The following RAI2 variants were observed in gnomAD, a reference collection of about 807,000 sequenced individuals.
RAI2 encodes the protein retinoic acid induced 2, also known as retinoic acid-induced protein 2.
RAI2 carries 5 observed loss-of-function variants against 15.3 expected under a neutral mutation model. That is an observed-to-expected ratio of 0.33 (90% CI 0.17 to 0.69). The LOEUF (loss-of-function observed/expected upper bound fraction) is 0.69, where lower values mean the gene tolerates loss of function less well. RAI2 is among the 30% of genes least tolerant of loss of function. The probability of loss-of-function intolerance (pLI) is 0.69; values close to 1 mark genes in which losing one functional copy is unlikely to be tolerated. For synonymous variants in RAI2, 191 were observed against 184.0 expected (o/e 1.04, Z -0.31); for missense variants, 424 against 424.7 (o/e 1.00, Z 0.01).
chrX:17,815,289 A>T (rs1015510060), intron 1 of RAI2, among the ~76,000 whole-genome samples: 1 of 106,586 alleles, frequency 9.4e-6, no homozygotes. Context: ...GAGTTCCAGA[A>T]TGCATGTGTT....
At chrX:17,840,958 T>C (rs1322560056) in intron 1 of RAI2, among the ~76,000 whole-genome samples, 1 of 112,045 alleles carries the variant, frequency 8.9e-6, no homozygotes, top group Non-Finnish European at 1.9e-5. Context: ...TAACCAGCAA[T>C]CACTACCGTA....
At chrX:17,820,214 C>A (rs2067149825) in intron 1 of RAI2, among the ~76,000 whole-genome samples, 1 of 112,384 alleles carries the variant, frequency 8.9e-6, no homozygotes, top group African/African-American at 3.2e-5. Flanking sequence ...GCAACAGGGG[C>A]CCTGAGGAAG....
At chrX:17,817,010 A>G (rs2147230820) in intron 1 of RAI2, among the ~76,000 whole-genome samples, 1 of 111,611 alleles carries the variant, frequency 9.0e-6, no homozygotes, top group East Asian at 2.8e-4. Context: ...ACAGGATGGA[A>G]GGGCCTGCAT....
intron 1 of RAI2, among the ~76,000 whole-genome samples, chrX:17,836,922 C>T (rs1257792905): frequency 8.9e-6 from 1 of 112,010 alleles, no homozygotes; most frequent in African/African-American, 3.2e-5. Flanking sequence ...ATTCAGGATG[C>T]GTTAATAAGC....
chrX:17,802,281 T>C (rs768345999), intron 1 of RAI2, among the ~76,000 whole-genome samples: 1 of 112,114 alleles, frequency 8.9e-6, no homozygotes, highest in African/African-American at 3.2e-5. Context: ...ATGTAATCAG[T>C]AAATAGCCAA....
intron 1 of RAI2, among the ~76,000 whole-genome samples, chrX:17,851,809 C>CA (rs1379836886): frequency 1.3e-4 from 14 of 111,494 alleles, no homozygotes; most frequent in African/African-American, 4.2e-4. Flanking sequence ...CAAAACAAAA[C>CA]AAAAAAAACA....
chrX:17,804,306 A>G (rs1228015216), intron 1 of RAI2, among the ~76,000 whole-genome samples: 1 of 111,222 alleles, frequency 9.0e-6, no homozygotes, highest in East Asian at 2.8e-4. Context: ...TCATTCATTC[A>G]CTCATCCTGA....
intron 1 of RAI2, among the ~76,000 whole-genome samples, chrX:17,848,824 C>T (rs1010711538): frequency 8.9e-6 from 1 of 112,492 alleles, no homozygotes; most frequent in Non-Finnish European, 1.9e-5. Flanking sequence ...GCAAATGGGC[C>T]TCTCTGCCTG....
chrX:17,854,269 T>A (rs1384781358), intron 1 of RAI2, among the ~76,000 whole-genome samples: 1 of 111,790 alleles, frequency 8.9e-6, no homozygotes, highest in East Asian at 2.8e-4. Flanking sequence ...TTGTGCCAAT[T>A]AATAGTAAGC....
At chrX:17,857,731 C>T (rs911742374) in intron 1 of RAI2, among the ~76,000 whole-genome samples, 2 of 111,573 alleles carry the variant, frequency 1.8e-5, no homozygotes, top group Non-Finnish European at 3.8e-5. Context: ...AGCCCCCTCC[C>T]CACTGCCATT....
intron 1 of RAI2, among the ~76,000 whole-genome samples, chrX:17,846,571 G>A (rs1415897481): frequency 8.9e-6 from 1 of 111,993 alleles, no homozygotes; most frequent in Non-Finnish European, 1.9e-5. Flanking sequence ...CCCCAGAATG[G>A]CTTCAAAAGG....
intron 1 of RAI2, among the ~76,000 whole-genome samples, chrX:17,843,549 C>T (rs1387918403): frequency 4.5e-5 from 5 of 111,453 alleles, no homozygotes; most frequent in Admixed American, 9.5e-5. Context: ...TTTCCATGTT[C>T]TTGAATAAAA....
intron 1 of RAI2, among the ~76,000 whole-genome samples, chrX:17,858,039 G>A (rs1402437774): frequency 1.8e-5 from 2 of 110,966 alleles, no homozygotes; most frequent in East Asian, 2.9e-4. Flanking sequence ...GGAGTTCCTG[G>A]TGTCATACTC....
intron 1 of RAI2, among the ~76,000 whole-genome samples, chrX:17,812,649 TCTC>T (rs1445576376): frequency 8.9e-6 from 1 of 111,821 alleles, no homozygotes; most frequent in Admixed American, 9.5e-5. Context: ...CAGTTTTCCT[TCTC>T]CTTTGCACGA....
chrX:17,842,792 T>G (rs911386758), intron 1 of RAI2, among the ~76,000 whole-genome samples: 4 of 111,715 alleles, frequency 3.6e-5, no homozygotes, highest in African/African-American at 1.3e-4. Context: ...AAAGTAAGTA[T>G]GTCTACTTTT....
chrX:17,808,119 A>G (rs112070630), intron 1 of RAI2, among the ~76,000 whole-genome samples: 7,240 of 111,198 alleles, frequency 0.065, 583 homozygotes, highest in African/African-American at 0.22. Context: ...ATCAGCTATC[A>G]TTAGTGTATT....
At chrX:17,858,467 T>C (rs1042198528) in intron 1 of RAI2, among the ~76,000 whole-genome samples, 1 of 112,392 alleles carries the variant, frequency 8.9e-6, no homozygotes, top group South Asian at 3.7e-4. Context: ...ACGTTTCCTA[T>C]TTTCTTATCA....
chrX:17,838,749 C>T (rs1211226226), intron 1 of RAI2, among the ~76,000 whole-genome samples: 1 of 111,079 alleles, frequency 9.0e-6, no homozygotes, highest in Non-Finnish European at 1.9e-5. Flanking sequence ...CCCTGCAACA[C>T]CACATGCACT....
At chrX:17,805,002 T>C (rs1319413005) in intron 1 of RAI2, among the ~76,000 whole-genome samples, 1 of 113,112 alleles carries the variant, frequency 8.8e-6, no homozygotes, top group East Asian at 2.8e-4. Context: ...TCATTGAGCA[T>C]CTACCATTTG....
Sources: allele counts gnomAD v4.1 joint callset (sites outside exome capture counted in the v4.1 genomes callset), GRCh38; gene constraint gnomAD v4.1.1; transcripts MANE v1.5; gene names NCBI Gene and HGNC (gene_info 2026-07-23, HGNC 2026-07-21).